Variants in PPP2R5B observed in about 807,000 individuals in gnomAD.
PPP2R5B encodes the protein serine/threonine-protein phosphatase 2A 56 kDa regulatory subunit beta isoform.
Under a neutral mutation model 59.9 loss-of-function variants are expected in PPP2R5B, and 19 were observed. The ratio of observed to expected loss-of-function variants is 0.32; its 90% confidence interval spans 0.22 to 0.47. The LOEUF is 0.47. PPP2R5B is among the 20% of genes least tolerant of loss of function. The pLI is 1.00. For missense variants in PPP2R5B, 441 were observed against 640.2 expected (o/e 0.69, Z 3.36); for synonymous variants, 286 against 260.5 (o/e 1.10, Z -0.94).
Position 64,928,404 on chromosome 11 carries a change from A to G in PPP2R5B, c.701A>G (p.Gln234Arg). 3 of 1,614,256 alleles carry G rather than the reference A, an allele frequency of 1.9e-6. No homozygotes were observed. Among genetic ancestry groups the G allele is most frequent in the Non-Finnish European group, 2.5e-6 (3 of 1,180,038 alleles). Residue 234 changes from glutamine (Q) to arginine (R), a missense_variant, in exon 6 of 14, where the codon CAG (glutamine) becomes CGG (arginine). Physicochemically the swap from Gln to Arg is conservative, Grantham distance 43. Around this residue, in one of 3 missense-constraint regions of PPP2R5B, gnomAD observed 268 missense variants for 488.1 expected, o/e 0.55. Coordinates refer to ENST00000164133, the MANE Select transcript of PPP2R5B (RefSeq NM_006244.4). ...FLGLRAYIRK[Q>R]CNHIFLRFIY... Reference sequence around the variant, plus strand: ...GGTCTCCGGGCCTACATCCGCAAACAGTGCAACCACATCTTCCTCCGGTGA... The same window carrying G: ...GGTCTCCGGGCCTACATCCGCAAACGGTGCAACCACATCTTCCTCCGGTGA...
upstream of PPP2R5B, among the ~76,000 whole-genome samples, chr11:64,923,753 C>T (rs909634193): frequency 6.6e-5 from 10 of 152,198 alleles, no homozygotes; most frequent in Non-Finnish European, 1.5e-4. Flanking sequence ...TCCTACTGCT[C>T]ACCATGGACC....
chr11:64,918,509 C>T (rs1475512736), intron 1 of PPP2R5B, among the ~76,000 whole-genome samples: 1 of 152,152 alleles, frequency 6.6e-6, no homozygotes, highest in Non-Finnish European at 1.5e-5. Context: ...CAGGCATGCA[C>T]CACCGCACCC....
chr11:64,927,968 C>A (rs1945186531), intron 4 of PPP2R5B, 65 bp downstream of exon 4: 5 of 1,556,838 alleles, frequency 3.2e-6, no homozygotes, highest in Non-Finnish European at 4.4e-6. Context: ...GGGGAGAGGG[C>A]CTCCTTAGCC....
At chr11:64,926,502 G>A (rs1484372582) in intron 2 of PPP2R5B, among the ~76,000 whole-genome samples, 1 of 152,242 alleles carries the variant, frequency 6.6e-6, no homozygotes, top group Non-Finnish European at 1.5e-5. Flanking sequence ...TCTGAGCCTG[G>A]ATTAGGAGGA....
chr11:64,931,874 A>C lies in PPP2R5B; in HGVS notation c.1116+6A>C. On this transcript the variant is annotated splice_donor_region_variant and intron_variant, in intron 11 of 13. Coordinates refer to ENST00000164133, the MANE Select transcript of PPP2R5B (RefSeq NM_006244.4). This position sits in a 1 kb window ranked among gnomAD's most constrained non-coding sequence, Gnocchi z 5.0. ...TTTCCAGCCCCCATTTCCAGGTATG[A>C]GGCAGGACAGGCGGGGATGGGAGCA... 1 of 1,613,628 alleles carries C rather than the reference A, an allele frequency of 6.2e-7. No individual in the cohort carries two copies. The highest frequency in any genetic ancestry group is 8.5e-7 in the Non-Finnish European group (1 of 1,179,874).
At position 64,933,931 on chromosome 11, in the gene PPP2R5B, C is replaced by A; in HGVS notation, c.*87C>A. Reference sequence around the variant, plus strand: ...GTCCAGGGGCCCAGAGAGAAACACACCTACCCCTGGCCTTGCCAGAGTGGC... The same window carrying A: ...GTCCAGGGGCCCAGAGAGAAACACAACTACCCCTGGCCTTGCCAGAGTGGC... On this transcript the variant is annotated 3_prime_UTR_variant, in exon 14 of 14. Coordinates refer to ENST00000164133, the MANE Select transcript of PPP2R5B (RefSeq NM_006244.4). 1 of 1,396,640 alleles carries A rather than the reference C, an allele frequency of 7.2e-7. No homozygotes were observed. Among genetic ancestry groups the A allele is most frequent in the Middle Eastern group, 2.0e-4 (1 of 4,984 alleles). 86.5% of individuals were successfully genotyped at this position (1,396,640 alleles called of 1,614,324 possible).
At chr11:64,929,967 A>T (rs1164060247) in intron 6 of PPP2R5B, among the ~76,000 whole-genome samples, 1 of 152,104 alleles carries the variant, frequency 6.6e-6, no homozygotes, top group Non-Finnish European at 1.5e-5. Flanking sequence ...CTGAGTCTTG[A>T]TTTCTTCATC....
chr11:64,928,326 G>A lies in PPP2R5B; in HGVS notation c.623G>A (p.Arg208Gln), dbSNP rs768717776. 4 of 1,614,144 alleles carry A rather than the reference G, an allele frequency of 2.5e-6. No homozygotes were observed. Among genetic ancestry groups the A allele is most frequent in the South Asian group, 1.1e-5 (1 of 91,082 alleles). ...LLELFDSEDP[R>Q]EREYLKTILH... ...GAGCTATTTGATAGTGAGGATCCCC[G>A]GGAGCGTGAGTACCTCAAGACCATC... Residue 208 changes from arginine (R) to glutamine (Q), a missense_variant, in exon 6 of 14, where the codon CGG becomes CAG. Physicochemically the swap from Arg to Gln is conservative, Grantham distance 43. Transcript: ENST00000164133.
chr11:64,933,793 C>G lies in PPP2R5B; in HGVS notation c.1443C>G (p.Ala481=). The G allele has an allele frequency of 1.3e-6, 2 of 1,553,350 alleles. No homozygotes were observed. Among genetic ancestry groups the G allele is most frequent in the Non-Finnish European group, 1.7e-6 (2 of 1,148,110 alleles). Residue 481 remains alanine (A), a synonymous_variant, in exon 14 of 14, where the codon GCC becomes GCG. Transcript: ENST00000164133. ...RLQGTQGAKE[A]PLQRLTPQVA... ...AGGGGACCCAGGGGGCCAAGGAGGCCCCCCTCCAGCGGCTTACACCCCAGG... is the reference window on the plus strand; with the variant it reads ...AGGGGACCCAGGGGGCCAAGGAGGCGCCCCTCCAGCGGCTTACACCCCAGG...
At chr11:64,927,581 G>A (rs1324642364) in intron 3 of PPP2R5B, among the ~76,000 whole-genome samples, 3 of 152,162 alleles carry the variant, frequency 2.0e-5, no homozygotes, top group Non-Finnish European at 4.4e-5. Context: ...GTGTGCTACT[G>A]TAGTCCAGCT....
At chr11:64,920,409 A>G (rs1945098988), upstream of PPP2R5B, among the ~76,000 whole-genome samples, 1 of 152,208 alleles carries the variant, frequency 6.6e-6, no homozygotes, top group Admixed American at 6.5e-5. Flanking sequence ...AAGATTAGAC[A>G]GGACTGAGAG....
Position 64,931,371 on chromosome 11 carries a change from C to A in PPP2R5B, c.892-65C>A. On this transcript the variant is annotated intron_variant, in intron 8 of 13. Transcript: ENST00000164133. The surrounding 1 kb of genome is among the most constrained non-coding windows in gnomAD (Gnocchi z 5.0). ...GTATTTGGCATTCTGTCCTGGACAG[C>A]AAGTCCTTGGCGCCTGGTGCCTTCC... The A allele has an allele frequency of 2.6e-6, 4 of 1,554,402 alleles. No individual in the cohort carries two copies. Among genetic ancestry groups the A allele is most frequent in the South Asian group, 2.3e-5 (2 of 88,536 alleles).
rs770486698 is a variant in PPP2R5B at position 64,925,902 on chromosome 11, G to C, written c.168G>C (p.Gln56His). Reference sequence around the variant, plus strand: ...CTCAGTTCCGCTATCAGAGCAACCAGCAAGAGCTCACACCGCTGCCCCTGC... The same window carrying C: ...CTCAGTTCCGCTATCAGAGCAACCACCAAGAGCTCACACCGCTGCCCCTGC... Reference protein sequence around the residue: ...SSSQFRYQSNQQELTPLPLLK... With the variant: ...SSSQFRYQSNHQELTPLPLLK... The change falls in exon 2 of 14, where the codon CAG becomes CAC. Residue 56 changes from glutamine to histidine, a missense_variant. By Grantham distance (24) the Gln-to-His change is conservative. Transcript: ENST00000164133. The surrounding 1 kb of genome is among the most constrained non-coding windows in gnomAD (Gnocchi z 4.6). 1.9e-5 allele frequency: 31 copies of C among 1,611,896 alleles called. No homozygotes were observed. The highest frequency in any genetic ancestry group is 2.5e-5 in the Non-Finnish European group (30 of 1,179,902).
chr11:64,919,320 C>A (rs1164778936), intron 1 of PPP2R5B, among the ~76,000 whole-genome samples: 1 of 148,220 alleles, frequency 6.7e-6, no homozygotes. Flanking sequence ...TCCAGCCTGG[C>A]TGACAGAGCG....
upstream of PPP2R5B, among the ~76,000 whole-genome samples, chr11:64,923,444 G>A (rs574283382): frequency 7.9e-5 from 12 of 152,340 alleles, no homozygotes; most frequent in Non-Finnish European, 1.6e-4. Context: ...GGACACCAAG[G>A]GCCGGATGGG....
intron 11 of PPP2R5B, among the ~76,000 whole-genome samples, chr11:64,932,171 G>A (rs1945233910): frequency 6.6e-6 from 1 of 152,220 alleles, no homozygotes; most frequent in South Asian, 2.1e-4. Flanking sequence ...GTGTAAACAT[G>A]TTTGGTAAAC....
At chr11:64,930,753 C>T (rs1045910155) in intron 8 of PPP2R5B, among the ~76,000 whole-genome samples, 164 bp downstream of exon 8, 3 of 152,228 alleles carry the variant, frequency 2.0e-5, no homozygotes, top group Admixed American at 6.5e-5. Flanking sequence ...TAAGGCTAAC[C>T]TCAGATATCA....
At chr11:64,920,208 G>T (rs1173439424), upstream of PPP2R5B, among the ~76,000 whole-genome samples, 1 of 152,220 alleles carries the variant, frequency 6.6e-6, no homozygotes, top group African/African-American at 2.4e-5. Flanking sequence ...TCCAAGAAAA[G>T]TTATCCTTTC....
At position 64,925,699 on chromosome 11, in the gene PPP2R5B, C is replaced by G; in HGVS notation, c.-36C>G. 3 of 1,410,304 alleles carry G rather than the reference C, an allele frequency of 2.1e-6. No individual in the cohort carries two copies. Among genetic ancestry groups the G allele is most frequent in the Non-Finnish European group, 2.0e-6 (2 of 1,012,140 alleles). 87.4% of individuals were successfully genotyped at this position (1,410,304 alleles called of 1,614,324 possible). ...ACCTCCCAGGCCCAGAGAGAACCCC[C>G]GGGGCTCTGAAAGCTTGCCCTGCCG... On this transcript the variant is annotated 5_prime_UTR_variant, in exon 2 of 14. Transcript: ENST00000164133. This position sits in a 1 kb window ranked among gnomAD's most constrained non-coding sequence, Gnocchi z 4.6.
Sources: gnomAD v4.1 joint callset for allele counts (sites outside exome capture counted in the v4.1 genomes callset) on GRCh38, gnomAD v4.1.1 for gene constraint, gnomAD v4.1.1 regional missense constraint, Gnocchi (gnomAD v3.1) non-coding constraint, MANE v1.5 for transcripts, NCBI Gene and HGNC (gene_info 2026-07-23, HGNC 2026-07-21) for gene names.